The following CNTNAP2 variants were observed in gnomAD, a reference collection of about 807,000 sequenced individuals.
CNTNAP2 encodes contactin associated protein 2.
CNTNAP2 carries 98 observed loss-of-function variants against 155.2 expected under a neutral mutation model. That is an observed-to-expected ratio of 0.63 (90% CI 0.54 to 0.75). The LOEUF (loss-of-function observed/expected upper bound fraction) is 0.75. Among genes scored for constraint, CNTNAP2 ranks in the 30% least tolerant of loss-of-function variants. The probability of loss-of-function intolerance (pLI) is 0.00; values close to 1 mark genes in which losing one functional copy is unlikely to be tolerated. For missense variants in CNTNAP2, 1,727 were observed against 1,688.1 expected (o/e 1.02, Z -0.40); for synonymous variants, 651 against 631.2 (o/e 1.03, Z -0.47).
chr7:146,760,965 C>G (rs1369104556), intron 1 of CNTNAP2, among the ~76,000 whole-genome samples: 1 of 152,136 alleles, frequency 6.6e-6, no homozygotes, highest in East Asian at 1.9e-4. Flanking sequence ...TACCTAGATT[C>G]AAACATAATA....
chr7:146,614,958 T>C (rs1799200061), intron 1 of CNTNAP2, among the ~76,000 whole-genome samples: 2 of 152,066 alleles, frequency 1.3e-5, no homozygotes, highest in Admixed American at 1.3e-4. Flanking sequence ...AGAATACATA[T>C]AATAAAAGAA....
chr7:147,915,803 T>G (rs1158538226), intron 14 of CNTNAP2, among the ~76,000 whole-genome samples: 1 of 152,138 alleles, frequency 6.6e-6, no homozygotes, highest in Admixed American at 6.5e-5. Context: ...TTAGTCCTAT[T>G]TAGCCCCAAA....
intron 6 of CNTNAP2, among the ~76,000 whole-genome samples, chr7:147,123,695 C>T (rs746686607): frequency 1.2e-4 from 19 of 152,156 alleles, no homozygotes; most frequent in Non-Finnish European, 2.9e-5. Flanking sequence ...TATATTGCTA[C>T]ACTTTTCTCT....
At chr7:147,241,618 A>C (rs1584813738) in intron 8 of CNTNAP2, among the ~76,000 whole-genome samples, 2 of 143,494 alleles carry the variant, frequency 1.4e-5, no homozygotes, top group South Asian at 2.2e-4. Flanking sequence ...ACAGAGCAAG[A>C]CTCCGTCTCA....
At chr7:146,837,480 G>T (rs1033491382) in intron 2 of CNTNAP2, among the ~76,000 whole-genome samples, 3 of 151,978 alleles carry the variant, frequency 2.0e-5, no homozygotes, top group African/African-American at 7.2e-5. Context: ...TTAGATAATA[G>T]AATTAATAAT....
At chr7:147,961,068 T>C (rs1435794397) in intron 14 of CNTNAP2, among the ~76,000 whole-genome samples, 3 of 152,130 alleles carry the variant, frequency 2.0e-5, no homozygotes, top group Non-Finnish European at 4.4e-5. Flanking sequence ...TCGAGTATCT[T>C]TTGATTCCAT....
chr7:147,394,248 A>G (rs931758108), intron 9 of CNTNAP2, among the ~76,000 whole-genome samples: 5 of 151,928 alleles, frequency 3.3e-5, no homozygotes, highest in Admixed American at 3.3e-4. Flanking sequence ...CCTGATTATA[A>G]GTTTCCTGAG....
intron 8 of CNTNAP2, among the ~76,000 whole-genome samples, chr7:147,162,364 T>TA (rs923054756): frequency 5.4e-4 from 82 of 152,018 alleles, no homozygotes; most frequent in Admixed American, 1.5e-3. Context: ...AGTACAAAAT[T>TA]AAAAAAAGAC....
At chr7:146,256,771 C>T (rs802562) in intron 1 of CNTNAP2, among the ~76,000 whole-genome samples, 31,305 of 151,892 alleles carry the variant, frequency 0.21, 7,817 homozygotes, top group African/African-American at 0.6. Context: ...GCAGATATTT[C>T]CTTCAATTAC....
At chr7:148,068,768 A>G (rs952368202) in intron 15 of CNTNAP2, among the ~76,000 whole-genome samples, 1 of 152,190 alleles carries the variant, frequency 6.6e-6, no homozygotes, top group Admixed American at 6.5e-5. Flanking sequence ...AACATGAATT[A>G]TTCTTAATCT....
At chr7:146,933,473 A>G (rs1796830428) in intron 3 of CNTNAP2, among the ~76,000 whole-genome samples, 3 of 151,290 alleles carry the variant, frequency 2.0e-5, no homozygotes, top group Admixed American at 1.3e-4. Flanking sequence ...TAGACCTAAA[A>G]CCATAAAAAC....
chr7:146,515,329 T>C (rs1051363645), intron 1 of CNTNAP2, among the ~76,000 whole-genome samples: 1 of 152,062 alleles, frequency 6.6e-6, no homozygotes, highest in Non-Finnish European at 1.5e-5. Flanking sequence ...ATCTCATTTT[T>C]CCAGTGAGAC....
Position 146,370,049 on chromosome 7 carries a change from G to C in CNTNAP2, c.97+253076G>C, listed in dbSNP as rs143445101. On this transcript the variant is annotated intron_variant, in intron 1 of 23. Coordinates refer to ENST00000361727, the MANE Select transcript of CNTNAP2 (RefSeq NM_014141.6). ...TGAAGTAGAGTTCTAACTTTACTTT[G>C]ATTTTGTTTTGTTCTTATTGTTGTT... Among the ~76,000 whole-genome samples the C allele has an allele frequency of 9.3e-3, 1,414 of 151,704 alleles. 24 individuals carry two copies. The highest frequency in any genetic ancestry group is 0.031 in the African/African-American group (1,297 of 41,340).
At chr7:146,534,520 C>T (rs801929) in intron 1 of CNTNAP2, among the ~76,000 whole-genome samples, 1 of 151,772 alleles carries the variant, frequency 6.6e-6, no homozygotes, top group Non-Finnish European at 1.5e-5. Context: ...GTCTGACCCA[C>T]ATAAAAAGAC....
At chr7:146,779,213 C>G (rs1219124138) in intron 2 of CNTNAP2, among the ~76,000 whole-genome samples, 1 of 152,174 alleles carries the variant, frequency 6.6e-6, no homozygotes, top group African/African-American at 2.4e-5. Flanking sequence ...TCACCTCCCC[C>G]TGTCTGAGCT....
chr7:147,151,528 A>G (rs1180678823), intron 8 of CNTNAP2, among the ~76,000 whole-genome samples: 2 of 152,180 alleles, frequency 1.3e-5, no homozygotes, highest in Non-Finnish European at 2.9e-5. Flanking sequence ...TGACAATGCA[A>G]ATATTCACAT....
At chr7:146,204,809 G>A (rs1286289358) in intron 1 of CNTNAP2, among the ~76,000 whole-genome samples, 1 of 151,922 alleles carries the variant, frequency 6.6e-6, no homozygotes, top group African/African-American at 2.4e-5. Context: ...TCAGCAAAAT[G>A]TCTTTAATAT....
At chr7:146,933,281 T>C (rs1407848162) in intron 3 of CNTNAP2, among the ~76,000 whole-genome samples, 13 of 152,108 alleles carry the variant, frequency 8.5e-5, no homozygotes, top group South Asian at 2.1e-4. Context: ...AGAAATAATG[T>C]CGCATATCTA....
At chr7:146,482,294 G>C (rs1057476877) in intron 1 of CNTNAP2, among the ~76,000 whole-genome samples, 1 of 151,290 alleles carries the variant, frequency 6.6e-6, no homozygotes, top group Admixed American at 6.6e-5. Context: ...AAGTGTTTGT[G>C]AAGAAAAGGT....
Sources: gnomAD v4.1 joint callset for allele counts (sites outside exome capture counted in the v4.1 genomes callset) on GRCh38, gnomAD v4.1.1 for gene constraint, MANE v1.5 for transcripts, NCBI Gene and HGNC (gene_info 2026-07-23, HGNC 2026-07-21) for gene names.